The following PRKG1 variants were observed in gnomAD, a reference collection of about 807,000 sequenced individuals.
The protein encoded by PRKG1 is protein kinase cGMP-dependent 1.
PRKG1 carries 35 observed loss-of-function variants against 88.1 expected under a neutral mutation model. The observed-to-expected ratio is 0.40, with a 90% CI of 0.30 to 0.53. PRKG1 has a LOEUF of 0.53. Ranked by LOEUF, PRKG1 falls within the 20% of genes least tolerant of loss-of-function variation. The pLI is 0.59. For missense variants in PRKG1, 540 were observed against 839.8 expected, an observed-to-expected ratio of 0.64 and a Z score of 4.41; for synonymous variants, 303 against 292.5, an observed-to-expected ratio of 1.04 and a Z score of -0.37.
intron 1 of PRKG1, among the ~76,000 whole-genome samples, chr10:51,103,934 C>T (rs1242896203): frequency 6.6e-6 from 1 of 152,196 alleles, no homozygotes; most frequent in Non-Finnish European, 1.5e-5. Context: ...GACAATTACT[C>T]ATAATGTACT....
intron 5 of PRKG1, among the ~76,000 whole-genome samples, chr10:51,925,660 T>C (rs2132990178): frequency 6.6e-6 from 1 of 152,268 alleles, no homozygotes; most frequent in Non-Finnish European, 1.5e-5. Flanking sequence ...GGTTATTTTC[T>C]CTTGAGAAAA....
chr10:51,599,764 A>G (rs1328900403), intron 3 of PRKG1, among the ~76,000 whole-genome samples: 1 of 152,216 alleles, frequency 6.6e-6, no homozygotes, highest in Non-Finnish European at 1.5e-5. Flanking sequence ...CTGTAAAGCC[A>G]TATTTTGGTT....
chr10:52,014,985 C>T (rs960737778), intron 5 of PRKG1, among the ~76,000 whole-genome samples: 3 of 152,216 alleles, frequency 2.0e-5, no homozygotes, highest in Non-Finnish European at 2.9e-5. Flanking sequence ...AATGGGCTGG[C>T]ATAGAGTGCC....
At chr10:51,726,878 G>T (rs895622054) in intron 3 of PRKG1, among the ~76,000 whole-genome samples, 2 of 152,014 alleles carry the variant, frequency 1.3e-5, no homozygotes, top group Non-Finnish European at 2.9e-5. Flanking sequence ...CCAGGTTCAC[G>T]CCATTCTCCT....
chr10:51,806,837 C>T (rs1291091445), intron 4 of PRKG1, among the ~76,000 whole-genome samples: 1 of 152,114 alleles, frequency 6.6e-6, no homozygotes, highest in Admixed American at 6.6e-5. Context: ...CAAACAATTC[C>T]ATGTACCCAT....
Position 51,841,583 on chromosome 10 carries a change from T to A in PRKG1, c.698+36893T>A, listed in dbSNP as rs1053211229. On this transcript the variant is annotated intron_variant, in intron 4 of 17. Transcript: ENST00000373980. ...TAAAGAGAGATTTTTAGAAATTCTG[T>A]TTTCTTGTGCAGTTGAATTTTCTAA... 7.2e-5 allele frequency among the ~76,000 whole-genome samples: 11 copies of A among 152,262 alleles called. No individual in the cohort carries two copies. The East Asian group carries it at 2.1e-3, about 29-fold the overall frequency.
chr10:51,446,187 A>G (rs891215302), intron 2 of PRKG1, among the ~76,000 whole-genome samples: 2 of 151,990 alleles, frequency 1.3e-5, no homozygotes, highest in Non-Finnish European at 2.9e-5. Flanking sequence ...TAAATCTGCT[A>G]TTGAAAGTCA....
intron 9 of PRKG1, among the ~76,000 whole-genome samples, chr10:52,174,107 T>A (rs76682498): frequency 0.03 from 4,520 of 151,830 alleles, 268 homozygotes; most frequent in East Asian, 0.27. Flanking sequence ...CAGGTTTTTT[T>A]AATTTATTTT....
At chr10:51,277,943 C>A (rs905476279) in intron 2 of PRKG1, among the ~76,000 whole-genome samples, 4 of 152,048 alleles carry the variant, frequency 2.6e-5, no homozygotes, top group Non-Finnish European at 4.4e-5. Flanking sequence ...AATACCCTTT[C>A]TTTCTTTCTC....
chr10:51,766,811 G>A (rs948963771), intron 3 of PRKG1, among the ~76,000 whole-genome samples: 15 of 152,226 alleles, frequency 9.9e-5, no homozygotes, highest in African/African-American at 3.6e-4. Context: ...GTGCGGGGAG[G>A]AGTTGAGTGT....
intron 9 of PRKG1, among the ~76,000 whole-genome samples, chr10:52,165,094 A>G (rs1225221991): frequency 6.6e-6 from 1 of 152,216 alleles, no homozygotes; most frequent in African/African-American, 2.4e-5. Context: ...AGTGAGGCTG[A>G]TAATATGACC....
intron 3 of PRKG1, among the ~76,000 whole-genome samples, chr10:51,478,514 C>A (rs74806276): frequency 0.026 from 3,975 of 152,070 alleles, 161 homozygotes; most frequent in African/African-American, 0.087. Context: ...ATTTTATATC[C>A]TTAATTTATA....
intron 5 of PRKG1, among the ~76,000 whole-genome samples, chr10:51,999,168 C>A (rs1844529772): frequency 6.6e-6 from 1 of 152,162 alleles, no homozygotes; most frequent in Non-Finnish European, 1.5e-5. Flanking sequence ...AAAGTCACTG[C>A]CTTTCTACTC....
chr10:52,190,723 A>G (rs1839338323), intron 9 of PRKG1, among the ~76,000 whole-genome samples: 1 of 152,304 alleles, frequency 6.6e-6, no homozygotes, highest in South Asian at 2.1e-4. Flanking sequence ...GTATGTTTGC[A>G]TAAGATACTT....
intron 3 of PRKG1, among the ~76,000 whole-genome samples, chr10:51,474,390 G>A (rs1257329494): frequency 1.3e-5 from 2 of 151,952 alleles, no homozygotes; most frequent in Non-Finnish European, 2.9e-5. Flanking sequence ...GCATGTTATG[G>A]TTTCGAAAAT....
At chr10:51,928,078 G>T (rs1477855165) in intron 5 of PRKG1, among the ~76,000 whole-genome samples, 1 of 152,066 alleles carries the variant, frequency 6.6e-6, no homozygotes, top group Non-Finnish European at 1.5e-5. Flanking sequence ...AATTGAAAAA[G>T]GTGTTTTAAG....
chr10:51,425,375 TA>T (rs1291484448), intron 2 of PRKG1, among the ~76,000 whole-genome samples: 33 of 152,206 alleles, frequency 2.2e-4, no homozygotes, highest in African/African-American at 7.7e-4. Flanking sequence ...CACTATCTAT[TA>T]AAAAATACAG....
chr10:51,934,822 C>T (rs923431331), intron 5 of PRKG1, among the ~76,000 whole-genome samples: 1 of 152,136 alleles, frequency 6.6e-6, no homozygotes, highest in African/African-American at 2.4e-5. Context: ...TATGTCTGAG[C>T]AATTGTTTTT....
rs550680632 is a variant in PRKG1, at chr10:52,078,122, G to C, written c.935+15491G>C. Reference sequence around the variant, plus strand: ...AACATTTTCCACACACATTCTGTAAGAAGAATACAGGTTTTCTACCGCCTA... The same window carrying C: ...AACATTTTCCACACACATTCTGTAACAAGAATACAGGTTTTCTACCGCCTA... On this transcript the variant is annotated intron_variant, in intron 7 of 17. Transcript: ENST00000373980. Among the ~76,000 whole-genome samples, 35 of 152,288 alleles carry C rather than the reference G, an allele frequency of 2.3e-4. 1 individual carries two copies. Among genetic ancestry groups the C allele is most frequent in the Non-Finnish European group, 4.6e-4 (31 of 68,018 alleles).
Sources: gnomAD v4.1 joint callset for allele counts (sites outside exome capture counted in the v4.1 genomes callset) on GRCh38, gnomAD v4.1.1 for gene constraint, MANE v1.5 for transcripts, NCBI Gene and HGNC (gene_info 2026-07-23, HGNC 2026-07-21) for gene names.